Variants in DCDC2 observed in about 807,000 individuals in gnomAD.
The protein encoded by DCDC2 is doublecortin domain containing 2, also known as doublecortin domain-containing protein 2.
DCDC2 carries 40 observed loss-of-function variants against 50.2 expected under a neutral mutation model. The ratio of observed to expected loss-of-function variants is 0.80; its 90% CI spans 0.62 to 1.04. The LOEUF (loss-of-function observed/expected upper bound fraction) is 1.04, where lower values mean the gene tolerates loss of function less well. DCDC2 is among the 50% of genes least tolerant of loss of function. The pLI, the probability that DCDC2 is intolerant of heterozygous loss-of-function variation, is 0.00. For missense variants in DCDC2, 570 were observed against 581.9 expected (o/e 0.98, Z 0.21); for synonymous variants, 234 against 210.6 (o/e 1.11, Z -0.96).
chr6:24,341,598 T>A (rs1021390311), intron 2 of DCDC2, among the ~76,000 whole-genome samples: 5 of 152,230 alleles, frequency 3.3e-5, no homozygotes, highest in African/African-American at 1.2e-4. Context: ...ATAGGACTAT[T>A]AGCCTCCTAC....
the DCDC2 span, among the ~76,000 whole-genome samples, chr6:24,376,826 AAAAAG>A: frequency 6.2e-5 from 9 of 145,868 alleles, no homozygotes; most frequent in South Asian, 4.2e-4. Context: ...ATAAAAAAAA[AAAAAG>A]AAAGAAACTC....
chr6:24,201,861 C>T (rs148290759), intron 8 of DCDC2, among the ~76,000 whole-genome samples: 2,815 of 152,230 alleles, frequency 0.018, 36 homozygotes, highest in Middle Eastern at 0.041. Flanking sequence ...ACTATGAACA[C>T]CTCTATGCAA....
At chr6:24,370,214 A>C in the DCDC2 span, among the ~76,000 whole-genome samples, 1 of 152,328 alleles carries the variant, frequency 6.6e-6, no homozygotes, top group East Asian at 1.9e-4. Flanking sequence ...CACATCCACT[A>C]GGATGGCTAT....
chr6:24,173,432 T>A lies in DCDC2; in HGVS notation c.*1298A>T, dbSNP rs1413187676. 6.6e-6 allele frequency: 1 copy of A among 152,174 alleles called. No homozygotes were observed. Among genetic ancestry groups the A allele is most frequent in the Non-Finnish European group, 1.5e-5 (1 of 68,016 alleles). The allele number at this position is 152,174 out of a possible 1,614,324, so 9.4% of individuals were successfully genotyped here. On this transcript the variant is annotated 3_prime_UTR_variant, in exon 10 of 10. Transcript: ENST00000378454. ...AAATTTCAAGCTTACAACTTCCACA[T>A]AATTAAAAATATATCCTTTAAGAAA...
chr6:24,232,772 C>CT (rs559117716), intron 7 of DCDC2, among the ~76,000 whole-genome samples: 36 of 151,586 alleles, frequency 2.4e-4, no homozygotes, highest in Non-Finnish European at 4.3e-4. Flanking sequence ...TCCAGAAGGT[C>CT]AGTGCTCAAT....
intron 4 of DCDC2, among the ~76,000 whole-genome samples, chr6:24,299,973 T>A (rs1416412045): frequency 2.0e-5 from 3 of 151,830 alleles, no homozygotes; most frequent in African/African-American, 7.3e-5. Flanking sequence ...TTAAAAATAA[T>A]AAAATAGAGG....
rs538787317 is a variant in DCDC2 at position 24,330,970 on chromosome 6, A to T, written c.348+22599T>A. On this transcript the variant is annotated intron_variant, in intron 2 of 9. Coordinates refer to ENST00000378454, the MANE Select transcript of DCDC2 (RefSeq NM_016356.5). ...AAAACTACAATATTTGAGGAGAAAA[A>T]GAATATTGAAATAAAAAGAAGGCAA... is the stretch of plus-strand genomic sequence containing the variant. 3.9e-5 allele frequency among the ~76,000 whole-genome samples: 6 copies of T among 152,342 alleles called. No individual in the cohort carries two copies. In the East Asian group the frequency reaches 1.2e-3, roughly 29 times the overall value.
At chr6:24,187,485 C>T (rs1761229909) in intron 8 of DCDC2, among the ~76,000 whole-genome samples, 1 of 152,146 alleles carries the variant, frequency 6.6e-6, no homozygotes, top group South Asian at 2.1e-4. Flanking sequence ...ACCTCTAGTA[C>T]ATTCTAACCA....
chr6:24,224,149 C>A (rs6915707), intron 7 of DCDC2, among the ~76,000 whole-genome samples: 1 of 152,134 alleles, frequency 6.6e-6, no homozygotes, highest in African/African-American at 2.4e-5. Flanking sequence ...CAGAGTTCAC[C>A]GGGAATGGGC....
At chr6:24,203,764 T>A (rs1278368416) in intron 8 of DCDC2, among the ~76,000 whole-genome samples, 1 of 151,606 alleles carries the variant, frequency 6.6e-6, no homozygotes, top group African/African-American at 2.4e-5. Context: ...ATTCAGAATC[T>A]ACAAGGAACT....
intron 7 of DCDC2, among the ~76,000 whole-genome samples, chr6:24,227,585 G>C (rs1762257136): frequency 6.6e-6 from 1 of 152,288 alleles, no homozygotes; most frequent in East Asian, 1.9e-4. Flanking sequence ...CATGCCCACA[G>C]GTCCTATCTG....
chr6:24,279,025 A>G (rs1763416930), intron 6 of DCDC2, among the ~76,000 whole-genome samples: 1 of 152,126 alleles, frequency 6.6e-6, no homozygotes. Flanking sequence ...TCTGGTCCCC[A>G]TGTGTCTCTC....
chr6:24,309,966 A>T (rs1045807906), intron 2 of DCDC2, among the ~76,000 whole-genome samples: 3 of 152,118 alleles, frequency 2.0e-5, no homozygotes, highest in Non-Finnish European at 4.4e-5. Context: ...CCTGTCTATT[A>T]AAAAAATAAT....
At chr6:24,189,526 G>C (rs1483148877) in intron 8 of DCDC2, among the ~76,000 whole-genome samples, 2 of 152,112 alleles carry the variant, frequency 1.3e-5, no homozygotes, top group Non-Finnish European at 2.9e-5. Context: ...TCTAAAGAGA[G>C]ACCACAGCTC....
intron 7 of DCDC2, among the ~76,000 whole-genome samples, chr6:24,239,157 C>G (rs1051054095): frequency 2.0e-5 from 3 of 152,146 alleles, no homozygotes; most frequent in Non-Finnish European, 4.4e-5. Context: ...ACAGTCCAGT[C>G]AGGGAGGCAG....
At position 24,194,306 on chromosome 6, in the gene DCDC2, C is replaced by T. The variant is rs926118573; in HGVS notation, c.1023+10696G>A. 1.6e-4 allele frequency among the ~76,000 whole-genome samples: 25 copies of T among 152,084 alleles called. 1 individual carries two copies. Among genetic ancestry groups the T allele is most frequent in the Admixed American group, 1.6e-3 (24 of 15,260 alleles). On this transcript the variant is annotated intron_variant, in intron 8 of 9. Transcript: ENST00000378454. ...AGAAAATAGTATATATCACAACCTC[C>T]AGTTTAAAAAAATTATTTTACTGTT...
At chr6:24,358,127 C>A (rs1760517381), upstream of DCDC2, 2 of 566,324 alleles carry the variant, frequency 3.5e-6, no homozygotes, top group Non-Finnish European at 6.3e-6. Flanking sequence ...GAGAGGAGGA[C>A]GCACACACAC....
At position 24,178,664 on chromosome 6, in the gene DCDC2, T is replaced by C. The variant is rs757758321; in HGVS notation, c.1024-32A>G. 5 of 1,580,768 alleles carry C rather than the reference T, an allele frequency of 3.2e-6. No individual in the cohort carries two copies. The Middle Eastern group carries it at 6.7e-4, about 213-fold the overall frequency. ...GATCAAAAGGAATAATGGATAAAAG[T>C]AAGAAGCATAACAGAACATTTCCAC... On this transcript the variant is annotated intron_variant, in intron 8 of 9. Coordinates refer to ENST00000378454, the MANE Select transcript of DCDC2 (RefSeq NM_016356.5).
At chr6:24,225,240 A>G (rs969161279) in intron 7 of DCDC2, among the ~76,000 whole-genome samples, 1 of 152,176 alleles carries the variant, frequency 6.6e-6, no homozygotes, top group African/African-American at 2.4e-5. Context: ...GAATGGAACT[A>G]AAGGTACCAT....
Sources: gnomAD v4.1 joint callset for allele counts (sites outside exome capture counted in the v4.1 genomes callset) on GRCh38, gnomAD v4.1.1 for gene constraint, MANE v1.5 for transcripts, NCBI Gene and HGNC (gene_info 2026-07-23, HGNC 2026-07-21) for gene names.